The following NBN variants were observed in gnomAD, a reference collection of about 807,000 sequenced individuals.
NBN encodes nibrin.
In NBN, 88 loss-of-function variants were observed where a neutral mutation model predicts 90.8. The ratio of observed to expected loss-of-function variants is 0.97; its 90% CI spans 0.82 to 1.16. The LOEUF (loss-of-function observed/expected upper bound fraction) is 1.16. Ranked by LOEUF, NBN falls within the 50% of genes most tolerant of loss-of-function variation. The probability of loss-of-function intolerance (pLI) is 0.00; values close to 1 mark genes in which losing one functional copy is unlikely to be tolerated. For synonymous variants in NBN, 328 were observed against 295.1 expected, an observed-to-expected ratio of 1.11 and a Z score of -1.14; for missense variants, 894 against 869.6, an observed-to-expected ratio of 1.03 and a Z score of -0.35.
chr8:89,971,083 GA>G, intron 6 of NBN, 89 bp downstream of exon 6: 4 of 1,397,272 alleles, frequency 2.9e-6, no homozygotes, highest in Non-Finnish European at 3.9e-6. Context: ...ATCCCAAAAT[GA>G]AATACGTTAA....
intron 13 of NBN, 125 bp downstream of exon 13, chr8:89,946,015 A>T: frequency 1.4e-6 from 1 of 710,838 alleles, no homozygotes; most frequent in African/African-American, 1.8e-5. Flanking sequence ...GGAATTTTTT[A>T]AAGCATTTTA....
intron 15 of NBN, among the ~76,000 whole-genome samples, 191 bp downstream of exon 15, chr8:89,936,835 C>A (rs964569984): frequency 1.3e-5 from 2 of 152,186 alleles, no homozygotes; most frequent in Non-Finnish European, 2.9e-5. Flanking sequence ...TATAACTTAA[C>A]CCCAAACCTC....
chr8:89,936,979 T>C (rs770005613), intron 15 of NBN, 47 bp downstream of exon 15: 1 of 1,453,098 alleles, frequency 6.9e-7, no homozygotes, highest in Non-Finnish European at 9.6e-7. Context: ...AACTAAATTT[T>C]ATATACATCT....
chr8:89,973,421 T>C (rs1385339674), intron 5 of NBN, among the ~76,000 whole-genome samples: 1 of 152,184 alleles, frequency 6.6e-6, no homozygotes, highest in Non-Finnish European at 1.5e-5. Context: ...GTAAGATCAA[T>C]CTTGAACAAA....
chr8:89,957,517 T>C (rs1339927115), intron 9 of NBN, among the ~76,000 whole-genome samples: 1 of 152,194 alleles, frequency 6.6e-6, no homozygotes, highest in Non-Finnish European at 1.5e-5. Context: ...GTAGTCTAAA[T>C]GTAGTGCTAA....
In NBN at chr8:89,951,148, T is replaced by C. The variant is rs948136595; in HGVS notation, c.1845+2096A>G. 4.0e-5 allele frequency among the ~76,000 whole-genome samples: 6 copies of C among 151,746 alleles called. No individual in the cohort carries two copies. In the South Asian group the frequency reaches 1.0e-3, roughly 26 times the overall value. ...TAACACAGCGAAACCCCATCTCTAC[T>C]ATAAGTACAAAAAATTAGCCAGGCG... On this transcript the variant is annotated intron_variant, in intron 11 of 15. Transcript: ENST00000265433.
chr8:89,960,183 C>A (rs1054490863), intron 8 of NBN, among the ~76,000 whole-genome samples: 1 of 152,212 alleles, frequency 6.6e-6, no homozygotes, highest in African/African-American at 2.4e-5. Flanking sequence ...ACAGGATGTG[C>A]TTAATATTTA....
chr8:89,978,134 C>T (rs1811857146), intron 5 of NBN, 86 bp downstream of exon 5: 1 of 1,171,138 alleles, frequency 8.5e-7, no homozygotes, highest in Non-Finnish European at 1.3e-6. Flanking sequence ...CATCCTGAAA[C>T]AAGCATTAAA....
intron 1 of NBN, chr8:89,984,198 T>C: frequency 4.3e-6 from 2 of 461,054 alleles, no homozygotes; most frequent in Admixed American, 7.4e-5. Context: ...AGGCGCCTGC[T>C]GCCGCTTACC....
chr8:89,947,939 GTA>G (rs1473202407), intron 11 of NBN, 47 bp from the exon 12 acceptor site: 2 of 1,165,906 alleles, frequency 1.7e-6, no homozygotes, highest in Non-Finnish European at 2.5e-6. Flanking sequence ...TAATAAAATG[GTA>G]TGTTTCTATC....
chr8:89,954,586 G>C (rs1460529457), intron 10 of NBN, among the ~76,000 whole-genome samples: 1 of 151,674 alleles, frequency 6.6e-6, no homozygotes, highest in Non-Finnish European at 1.5e-5. Context: ...AAAGTTTTTA[G>C]GTCTATTACT....
rs536965870 is a variant in NBN, at chr8:89,964,493, G to C, written c.911C>G (p.Pro304Arg). Reference sequence around the variant, plus strand: ...CAATCCAATTTCTGCTTCAGGAATAGGTCTAAGACCTTGCCTATTAGAATA... The same window carrying C: ...CAATCCAATTTCTGCTTCAGGAATACGTCTAAGACCTTGCCTATTAGAATA... The part of the protein sequence containing the change: ...MDMLQRQGLR[P>R]IPEAEIGLAV... Residue 304 changes from proline (P) to arginine (R), a missense_variant, in exon 8 of 16, where the codon CCT becomes CGT. Physicochemically the swap from Pro to Arg is moderately radical, Grantham distance 103 (BLOSUM62 -2). Transcript: ENST00000265433. 6.3e-7 allele frequency: 1 copy of C among 1,599,318 alleles called. No individual in the cohort carries two copies. Among genetic ancestry groups the C allele is most frequent in the Non-Finnish European group, 8.6e-7 (1 of 1,166,736 alleles).
At chr8:89,936,210 G>A (rs1202933782) in intron 15 of NBN, 1 of 273,060 alleles carries the variant, frequency 3.7e-6, no homozygotes, top group Non-Finnish European at 7.1e-6. Flanking sequence ...CTGAGTAGCT[G>A]GGATTACAGG....
chr8:89,980,698 C>A (rs763061009), intron 4 of NBN, 36 bp downstream of exon 4: 2 of 1,562,910 alleles, frequency 1.3e-6, no homozygotes, highest in East Asian at 4.5e-5. Flanking sequence ...ATTCAAATAA[C>A]TTATTTTTAA....
At chr8:89,937,144 G>GACCTATCACT in intron 14 of NBN, 69 bp from the exon 15 acceptor site, 3 of 1,423,774 alleles carry the variant, frequency 2.1e-6, no homozygotes, top group Non-Finnish European at 3.0e-6. Flanking sequence ...TTGCTATAGT[G>GACCTATCACT]ATAGGTCACT....
chr8:89,957,916 T>A (rs1810804108), intron 9 of NBN, among the ~76,000 whole-genome samples: 1 of 152,172 alleles, frequency 6.6e-6, no homozygotes, highest in Non-Finnish European at 1.5e-5. Context: ...GTACTTTATT[T>A]CTATTATTAT....
At chr8:89,954,193 C>T (rs1287393040) in intron 10 of NBN, among the ~76,000 whole-genome samples, 1 of 152,086 alleles carries the variant, frequency 6.6e-6, no homozygotes. Flanking sequence ...GTTTCCTATA[C>T]AATACTGTAT....
intron 8 of NBN, among the ~76,000 whole-genome samples, chr8:89,963,187 CG>C (rs3215399): frequency 0.25 from 37,569 of 152,092 alleles, 5,277 homozygotes; most frequent in East Asian, 0.39. Flanking sequence ...GTCATTAGGC[CG>C]TAATGGCTAA....
At chr8:89,968,943 G>A (rs1805791) in intron 7 of NBN, among the ~76,000 whole-genome samples, 46,904 of 152,076 alleles carry the variant, frequency 0.31, 7,493 homozygotes, top group East Asian at 0.45. Context: ...CTTTTTTACA[G>A]TAGTTAATAT....
Sources: gnomAD v4.1 joint callset for allele counts (sites outside exome capture counted in the v4.1 genomes callset) on GRCh38, gnomAD v4.1.1 for gene constraint, MANE v1.5 for transcripts, NCBI Gene and HGNC (gene_info 2026-07-23, HGNC 2026-07-21) for gene names.